The following RASAL2 variants were observed in gnomAD, a reference collection of about 807,000 sequenced individuals.
RASAL2 encodes ras GTPase-activating protein nGAP.
RASAL2 carries 58 observed loss-of-function variants against 128.9 expected under a neutral mutation model. The ratio of observed to expected loss-of-function variants is 0.45; its 90% CI spans 0.36 to 0.56. RASAL2 has a LOEUF of 0.56. RASAL2 is among the 20% of genes least tolerant of loss of function. The pLI is 0.00. For missense variants in RASAL2, 1,360 were observed against 1,601.6 expected, an observed-to-expected ratio of 0.85 and a Z score of 2.57; for synonymous variants, 561 against 580.8, an observed-to-expected ratio of 0.97 and a Z score of 0.49.
chr1:178,207,421 T>C (rs1350908099), intron 1 of RASAL2, among the ~76,000 whole-genome samples: 2 of 152,106 alleles, frequency 1.3e-5, no homozygotes, highest in Non-Finnish European at 2.9e-5. Flanking sequence ...GATGTAACAT[T>C]TATATTGTGT....
At chr1:178,352,750 C>T (rs1327428425) in intron 3 of RASAL2, among the ~76,000 whole-genome samples, 9 of 152,218 alleles carry the variant, frequency 5.9e-5, no homozygotes, top group East Asian at 1.9e-4. Flanking sequence ...CAGGCTTTTC[C>T]GTACATTCTC....
rs906526763 is a variant in RASAL2, at chr1:178,174,066, A to G, written c.202+79372A>G. ...AGGACAGATTTTACTTAGTTGATGC[A>G]GCCTCTTCCTTTTGCTTGTTACTTA... On this transcript the variant is annotated intron_variant, in intron 1 of 17. Coordinates refer to ENST00000367649, the MANE Select transcript of RASAL2 (RefSeq NM_170692.4). Among the ~76,000 whole-genome samples the G allele has an allele frequency of 5.3e-5, 8 of 152,152 alleles. 1 individual carries two copies. The highest frequency in any genetic ancestry group is 1.7e-4 in the African/African-American group (7 of 41,532).
chr1:178,284,363 G>A (rs980438637), intron 2 of RASAL2, among the ~76,000 whole-genome samples: 6 of 152,232 alleles, frequency 3.9e-5, no homozygotes, highest in African/African-American at 1.4e-4. Context: ...TTTCTTGCCA[G>A]TGTCACCTAC....
intron 3 of RASAL2, among the ~76,000 whole-genome samples, chr1:178,309,060 C>G (rs896052007): frequency 6.6e-6 from 1 of 151,856 alleles, no homozygotes; most frequent in Admixed American, 6.6e-5. Flanking sequence ...TGGTAGTACT[C>G]AATATTTAGA....
chr1:178,439,652 A>T, intron 6 of RASAL2, 77 bp downstream of exon 6: 2 of 1,378,988 alleles, frequency 1.5e-6, no homozygotes. Flanking sequence ...TTGCGATTTC[A>T]TTGCTGTACA....
chr1:178,157,879 A>T (rs564621460), intron 1 of RASAL2, among the ~76,000 whole-genome samples: 1 of 152,314 alleles, frequency 6.6e-6, no homozygotes, highest in South Asian at 2.1e-4. Flanking sequence ...CCATAAAAAT[A>T]TCAATATTTT....
intron 3 of RASAL2, among the ~76,000 whole-genome samples, chr1:178,358,608 T>A (rs993812644): frequency 7.9e-5 from 12 of 152,166 alleles, no homozygotes; most frequent in African/African-American, 2.9e-4. Flanking sequence ...AAATCAACCA[T>A]CTTATCTTCA....
intron 1 of RASAL2, among the ~76,000 whole-genome samples, chr1:178,248,567 T>G (rs1392821866): frequency 6.6e-6 from 1 of 152,212 alleles, no homozygotes; most frequent in East Asian, 1.9e-4. Context: ...ATCGTTAGTA[T>G]GTGAATTTGA....
intron 1 of RASAL2, among the ~76,000 whole-genome samples, chr1:178,126,652 A>T (rs1452873549): frequency 2.0e-5 from 3 of 152,226 alleles, no homozygotes; most frequent in Admixed American, 2.0e-4. Flanking sequence ...CTCAAGAGTG[A>T]GTACACTTTA....
intron 4 of RASAL2, among the ~76,000 whole-genome samples, chr1:178,400,624 T>A (rs778255849): frequency 6.6e-6 from 1 of 152,136 alleles, no homozygotes; most frequent in Non-Finnish European, 1.5e-5. Context: ...TTTAAAAAAA[T>A]TTTTGCTCTT....
intron 3 of RASAL2, among the ~76,000 whole-genome samples, chr1:178,371,543 C>A (rs1026497890): frequency 6.6e-6 from 1 of 151,892 alleles, no homozygotes; most frequent in African/African-American, 2.4e-5. Flanking sequence ...GTGCAGTCGC[C>A]ATGCGAGGTG....
intron 3 of RASAL2, among the ~76,000 whole-genome samples, chr1:178,381,969 A>G (rs1053316136): frequency 6.6e-6 from 1 of 152,186 alleles, no homozygotes. Flanking sequence ...TTAATACATT[A>G]TAAATAATTG....
intron 9 of RASAL2, among the ~76,000 whole-genome samples, chr1:178,447,331 A>T (rs1026526989): frequency 1.5e-4 from 22 of 150,020 alleles, no homozygotes; most frequent in Admixed American, 1.1e-3. Context: ...TAAAAAAAAT[A>T]AATAAATAAA....
chr1:178,415,494 C>G (rs1049563875), intron 4 of RASAL2, among the ~76,000 whole-genome samples: 5 of 152,034 alleles, frequency 3.3e-5, no homozygotes, highest in Admixed American at 6.6e-5. Context: ...AGAATTTGAT[C>G]TGTCTTGGTG....
chr1:178,096,993 C>T (rs941564410), intron 1 of RASAL2, among the ~76,000 whole-genome samples: 1 of 152,154 alleles, frequency 6.6e-6, no homozygotes, highest in African/African-American at 2.4e-5. Context: ...TGTAGAAAAA[C>T]AATTTGGAGA....
intron 3 of RASAL2, among the ~76,000 whole-genome samples, chr1:178,311,130 A>G (rs1668224230): frequency 6.6e-6 from 1 of 152,044 alleles, no homozygotes; most frequent in South Asian, 2.1e-4. Flanking sequence ...GATTGAACAC[A>G]AGCATCTAAT....
intron 1 of RASAL2, among the ~76,000 whole-genome samples, chr1:178,213,485 G>C (rs1395037321): frequency 6.6e-6 from 1 of 152,058 alleles, no homozygotes; most frequent in East Asian, 1.9e-4. Flanking sequence ...ACAAAAACTG[G>C]ATACGATCAA....
At chr1:178,166,178 G>C (rs1319168718) in intron 1 of RASAL2, among the ~76,000 whole-genome samples, 1 of 152,140 alleles carries the variant, frequency 6.6e-6, no homozygotes, top group Non-Finnish European at 1.5e-5. Context: ...AAAATGGATT[G>C]TGTGTTTGTG....
chr1:178,258,049 C>G (rs556858888), intron 1 of RASAL2, among the ~76,000 whole-genome samples: 1 of 151,958 alleles, frequency 6.6e-6, no homozygotes, highest in Non-Finnish European at 1.5e-5. Flanking sequence ...AATCCCAGCA[C>G]TTTGGGAGGT....
Sources: gnomAD v4.1 joint callset for allele counts (sites outside exome capture counted in the v4.1 genomes callset) on GRCh38, gnomAD v4.1.1 for gene constraint, MANE v1.5 for transcripts, NCBI Gene and HGNC (gene_info 2026-07-23, HGNC 2026-07-21) for gene names.